Variants in SRPK2 observed in about 807,000 individuals in gnomAD.
The protein encoded by SRPK2 is SRSF protein kinase 2.
In SRPK2, 21 loss-of-function variants were observed where a neutral mutation model predicts 90.8. The ratio of observed to expected loss-of-function variants is 0.23; its 90% confidence interval spans 0.16 to 0.33. The LOEUF (loss-of-function observed/expected upper bound fraction) is 0.33, where lower values mean the gene tolerates loss of function less well. Ranked by LOEUF, SRPK2 falls within the 10% of genes least tolerant of loss-of-function variation. SRPK2 has a pLI of 1.00. For synonymous variants in SRPK2, 288 were observed against 311.1 expected (o/e 0.93, Z 0.78); for missense variants, 620 against 869.0 (o/e 0.71, Z 3.60).
At chr7:105,158,810 G>T (rs1238657443) in intron 7 of SRPK2, among the ~76,000 whole-genome samples, 25 of 142,970 alleles carry the variant, frequency 1.7e-4, no homozygotes, top group Admixed American at 5.5e-4. Context: ...GTGTTTTTTT[G>T]TGTTTTTTTT....
chr7:105,166,800 A>T (rs941846486), intron 6 of SRPK2, among the ~76,000 whole-genome samples: 5 of 152,220 alleles, frequency 3.3e-5, no homozygotes, highest in Non-Finnish European at 7.3e-5. Context: ...ATGTTTCCAT[A>T]CTCACCTGAC....
At chr7:105,278,518 C>CAAAAAAAAAAA (rs745938997) in intron 2 of SRPK2, among the ~76,000 whole-genome samples, 2 of 95,290 alleles carry the variant, frequency 2.1e-5, no homozygotes, top group Non-Finnish European at 2.0e-5. Context: ...AATAAAAATA[C>CAAAAAAAAAAA]AAAAAAAAAA....
intron 2 of SRPK2, among the ~76,000 whole-genome samples, chr7:105,296,962 T>C (rs890882607): frequency 6.6e-6 from 1 of 152,184 alleles, no homozygotes; most frequent in Non-Finnish European, 1.5e-5. Context: ...GAGGCAACTA[T>C]ACATACTGCC....
chr7:105,182,662 T>C (rs545132566), intron 3 of SRPK2, among the ~76,000 whole-genome samples: 8 of 152,290 alleles, frequency 5.3e-5, no homozygotes, highest in Admixed American at 1.3e-4. Flanking sequence ...GAGATGGGAT[T>C]TGGCCATGTT....
chr7:105,312,604 G>A, intron 2 of SRPK2, among the ~76,000 whole-genome samples: 1 of 152,168 alleles, frequency 6.6e-6, no homozygotes, highest in East Asian at 1.9e-4. Context: ...CCTGCTGGCT[G>A]CAGATAAAAT....
chr7:105,203,013 G>A (rs1411194242), intron 3 of SRPK2, among the ~76,000 whole-genome samples: 1 of 152,134 alleles, frequency 6.6e-6, no homozygotes, highest in Non-Finnish European at 1.5e-5. Flanking sequence ...TTTGGAGGCA[G>A]GATCTGGTTC....
intron 3 of SRPK2, among the ~76,000 whole-genome samples, chr7:105,170,863 GAA>G (rs1563025281): frequency 6.4e-5 from 5 of 78,384 alleles, no homozygotes; most frequent in African/African-American, 1.3e-4. Context: ...AAGAAAGAAA[GAA>G]AGAAAGAAAG....
At chr7:105,125,971 G>A (rs1387324822) in intron 15 of SRPK2, 2 of 702,584 alleles carry the variant, frequency 2.8e-6, no homozygotes, top group Non-Finnish European at 4.5e-6. Flanking sequence ...GACAGAAACA[G>A]AGCGCAACTT....
At chr7:105,338,375 A>G (rs1815359534) in intron 2 of SRPK2, among the ~76,000 whole-genome samples, 1 of 152,198 alleles carries the variant, frequency 6.6e-6, no homozygotes, top group African/African-American at 2.4e-5. Flanking sequence ...AGCTGGGATT[A>G]CAGGCGCAGG....
chr7:105,240,935 T>G (rs895383284), intron 2 of SRPK2, among the ~76,000 whole-genome samples: 1 of 152,232 alleles, frequency 6.6e-6, no homozygotes, highest in Non-Finnish European at 1.5e-5. Flanking sequence ...TTGTTATTAT[T>G]CTGACTTCAT....
intron 2 of SRPK2, among the ~76,000 whole-genome samples, chr7:105,384,426 T>C (rs772499677): frequency 3.3e-5 from 5 of 152,222 alleles, no homozygotes; most frequent in Admixed American, 3.3e-4. Context: ...CTCTAGGAAC[T>C]GGCTCAATTC....
chr7:105,156,271 T>C (rs146950749), intron 7 of SRPK2, among the ~76,000 whole-genome samples: 110 of 152,326 alleles, frequency 7.2e-4, no homozygotes, highest in African/African-American at 2.4e-3. Context: ...TTTAAGCGAC[T>C]TCCTAACTAG....
intron 2 of SRPK2, among the ~76,000 whole-genome samples, chr7:105,308,921 T>G (rs1811419377): frequency 6.6e-6 from 1 of 152,124 alleles, no homozygotes; most frequent in Non-Finnish European, 1.5e-5. Context: ...CTCCTACCCC[T>G]CATACTTTCC....
At chr7:105,153,017 A>G (rs549153130) in intron 7 of SRPK2, among the ~76,000 whole-genome samples, 3 of 152,268 alleles carry the variant, frequency 2.0e-5, no homozygotes, top group South Asian at 2.1e-4. Flanking sequence ...CTGGTGACAG[A>G]GCAAGATTCC....
chr7:105,176,331 C>T (rs1224888924), intron 3 of SRPK2, among the ~76,000 whole-genome samples: 1 of 152,050 alleles, frequency 6.6e-6, no homozygotes, highest in Admixed American at 6.6e-5. Context: ...CAATGAAAAG[C>T]CCACAGATAA....
intron 3 of SRPK2, among the ~76,000 whole-genome samples, chr7:105,196,610 G>C (rs762351211): frequency 1.3e-5 from 2 of 152,192 alleles, no homozygotes; most frequent in African/African-American, 2.4e-5. Context: ...ACTCCCAGGG[G>C]TCAAAACCGC....
intron 2 of SRPK2, among the ~76,000 whole-genome samples, chr7:105,260,442 A>G (rs1804052056): frequency 6.6e-6 from 1 of 152,240 alleles, no homozygotes; most frequent in Non-Finnish European, 1.5e-5. Context: ...GTGGGAGTGT[A>G]AATTAGTTCA....
chr7:105,254,568 A>T (rs1802960683), intron 2 of SRPK2, among the ~76,000 whole-genome samples: 1 of 152,156 alleles, frequency 6.6e-6, no homozygotes, highest in Non-Finnish European at 1.5e-5. Context: ...GAAAATTTGC[A>T]TATGTTAAGT....
Position 105,143,133 on chromosome 7 carries a change from T to C in SRPK2, c.1011A>G (p.Lys337=). 6.2e-7 allele frequency: 1 copy of C among 1,614,144 alleles called. No individual in the cohort carries two copies. Among genetic ancestry groups the C allele is most frequent in the Non-Finnish European group, 8.5e-7 (1 of 1,180,024 alleles). ...CAGCCGCCTCCTCTAATCCTGTTGT[T>C]TTTAGTTTCACCTCTGGGCAGTATT... ...DGEYCPEVKL[K]TTGLEEAAEA... The change falls in exon 10 of 16, where the codon AAA becomes AAG. Residue 337 remains lysine, a synonymous_variant. Coordinates refer to ENST00000393651, the MANE Select transcript of SRPK2 (RefSeq NM_182692.3).
Sources: allele counts gnomAD v4.1 joint callset (sites outside exome capture counted in the v4.1 genomes callset), GRCh38; gene constraint gnomAD v4.1.1; transcripts MANE v1.5; gene names NCBI Gene and HGNC (gene_info 2026-07-23, HGNC 2026-07-21).